GALNT13: variants seen among roughly 807,000 people sequenced by gnomAD.
GALNT13 encodes UDP-GalNAc:polypeptide N-acetylgalactosaminyltransferase 13.
In GALNT13, 28 loss-of-function variants were observed where a neutral mutation model predicts 64.2. The observed-to-expected ratio is 0.44, with a 90% CI of 0.32 to 0.60. The LOEUF (loss-of-function observed/expected upper bound fraction) is 0.60, where lower values mean the gene tolerates loss of function less well. Among genes scored for constraint, GALNT13 ranks in the 20% least tolerant of loss-of-function variants. The pLI is 0.05. For missense variants in GALNT13, 577 were observed against 669.8 expected (o/e 0.86, Z 1.53); for synonymous variants, 214 against 224.6 (o/e 0.95, Z 0.42).
At chr2:153,646,611 C>G in the GALNT13 span, among the ~76,000 whole-genome samples, 12 of 152,014 alleles carry the variant, frequency 7.9e-5, no homozygotes, top group Non-Finnish European at 2.9e-5. Context: ...ATCTCTCCCC[C>G]CTCCCCCTAC....
At chr2:153,311,724 G>A in the GALNT13 span, among the ~76,000 whole-genome samples, 12 of 152,200 alleles carry the variant, frequency 7.9e-5, no homozygotes, top group African/African-American at 2.9e-4. Flanking sequence ...GTCCAGGAGA[G>A]AATGAGACTG....
rs536911283 is a variant in GALNT13 at position 154,197,451 on chromosome 2, G to A, written c.312-44579G>A. ...CTTTTCAATCAACTGAGCTCATAAA[G>A]TTGACTTTCCCTATTCCAAAAGAGT... On this transcript the variant is annotated intron_variant, in intron 4 of 12. Coordinates refer to ENST00000392825, the MANE Select transcript of GALNT13 (RefSeq NM_052917.4). Among the ~76,000 whole-genome samples the A allele has an allele frequency of 2.6e-5, 4 of 152,162 alleles. No homozygotes were observed. In the East Asian group the frequency reaches 5.8e-4, roughly 22 times the overall value.
chr2:153,898,310 G>T (rs1688013731), intron 1 of GALNT13, among the ~76,000 whole-genome samples: 1 of 152,002 alleles, frequency 6.6e-6, no homozygotes, highest in East Asian at 1.9e-4. Context: ...GATTTAGGTG[G>T]CTCCTACTAC....
chr2:154,405,933 G>T (rs546037278), intron 10 of GALNT13, among the ~76,000 whole-genome samples: 16 of 152,218 alleles, frequency 1.1e-4, no homozygotes, highest in Admixed American at 9.8e-4. Flanking sequence ...ATCCCAGATT[G>T]TCATCAGAGT....
chr2:153,909,705 CCT>C (rs1342820829), intron 2 of GALNT13, among the ~76,000 whole-genome samples: 2 of 151,840 alleles, frequency 1.3e-5, no homozygotes, highest in East Asian at 3.9e-4. Flanking sequence ...TTGACTTTTA[CCT>C]CTGTTTTTGT....
the GALNT13 span, among the ~76,000 whole-genome samples, chr2:153,610,056 G>A: frequency 6.6e-6 from 1 of 152,112 alleles, no homozygotes; most frequent in African/African-American, 2.4e-5. Context: ...ACTGGCTGTT[G>A]ACTGCTAGAA....
chr2:153,216,258 C>CT, the GALNT13 span, among the ~76,000 whole-genome samples: 1 of 151,952 alleles, frequency 6.6e-6, no homozygotes, highest in African/African-American at 2.4e-5. Flanking sequence ...TGAGTAAAAG[C>CT]TGCTATAAAC....
At chr2:153,704,302 T>C in the GALNT13 span, among the ~76,000 whole-genome samples, 1 of 152,178 alleles carries the variant, frequency 6.6e-6, no homozygotes, top group Non-Finnish European at 1.5e-5. Flanking sequence ...AAGTGGGCTT[T>C]CTTTCTTACT....
chr2:153,906,145 G>C (rs543433182), intron 2 of GALNT13, among the ~76,000 whole-genome samples: 1 of 151,506 alleles, frequency 6.6e-6, no homozygotes, highest in African/African-American at 2.4e-5. Context: ...AGTAAGGGGG[G>C]ACTTATTTAT....
chr2:153,256,993 C>T, the GALNT13 span, among the ~76,000 whole-genome samples: 6 of 152,250 alleles, frequency 3.9e-5, no homozygotes, highest in East Asian at 7.7e-4. Flanking sequence ...GTTCGAGCTT[C>T]CCGGCTACTT....
At chr2:154,313,885 A>G (rs1265766094) in intron 9 of GALNT13, among the ~76,000 whole-genome samples, 2 of 151,852 alleles carry the variant, frequency 1.3e-5, no homozygotes, top group South Asian at 4.1e-4. Flanking sequence ...TTTTTTGTAT[A>G]TGCAACCAAT....
At chr2:153,800,646 C>T in the GALNT13 span, among the ~76,000 whole-genome samples, 2 of 152,140 alleles carry the variant, frequency 1.3e-5, no homozygotes, top group African/African-American at 2.4e-5. Context: ...ATTTCAACGA[C>T]GTTCACAAGC....
the GALNT13 span, among the ~76,000 whole-genome samples, chr2:153,747,249 G>A: frequency 6.6e-6 from 1 of 151,772 alleles, no homozygotes; most frequent in East Asian, 1.9e-4. Flanking sequence ...TAAAATGTAC[G>A]ATTATCATTG....
the GALNT13 span, among the ~76,000 whole-genome samples, chr2:153,578,885 C>T: frequency 6.6e-6 from 1 of 152,164 alleles, no homozygotes; most frequent in African/African-American, 2.4e-5. Flanking sequence ...TAAGGCATCA[C>T]ACAGAGGACC....
the GALNT13 span, among the ~76,000 whole-genome samples, chr2:153,400,000 G>A: frequency 6.6e-6 from 1 of 151,722 alleles, no homozygotes; most frequent in Non-Finnish European, 1.5e-5. Context: ...CCTGTCTTGT[G>A]CCAGTTTTCA....
the GALNT13 span, among the ~76,000 whole-genome samples, chr2:153,550,074 G>C: frequency 6.6e-6 from 1 of 152,150 alleles, no homozygotes; most frequent in Non-Finnish European, 1.5e-5. Context: ...AGACATGGAG[G>C]TCATTCCTTT....
At chr2:153,178,119 C>G in the GALNT13 span, among the ~76,000 whole-genome samples, 1 of 152,142 alleles carries the variant, frequency 6.6e-6, no homozygotes, top group Non-Finnish European at 1.5e-5. Context: ...TTGATGGACT[C>G]TGTTTGGTTC....
the GALNT13 span, among the ~76,000 whole-genome samples, chr2:153,700,580 T>C: frequency 6.6e-6 from 1 of 152,322 alleles, no homozygotes; most frequent in East Asian, 1.9e-4. Context: ...CATGATTCTA[T>C]GTTTAGAAAA....
chr2:153,839,249 CT>C, the GALNT13 span, among the ~76,000 whole-genome samples: 7 of 151,566 alleles, frequency 4.6e-5, no homozygotes, highest in East Asian at 5.8e-4. Context: ...ATATATTTTA[CT>C]TTTTTTTCTT....
Sources: allele counts gnomAD v4.1 joint callset (sites outside exome capture counted in the v4.1 genomes callset), GRCh38; gene constraint gnomAD v4.1.1; transcripts MANE v1.5; gene names NCBI Gene and HGNC (gene_info 2026-07-23, HGNC 2026-07-21).